DNAH7: variants seen among roughly 807,000 people sequenced by gnomAD.
DNAH7 encodes dynein axonemal heavy chain 7.
In DNAH7, 397 loss-of-function variants were observed where a neutral mutation model predicts 444.6. That is an observed-to-expected ratio of 0.89 (90% CI 0.82 to 0.97). DNAH7 has a LOEUF of 0.97. Ranked by LOEUF, DNAH7 falls within the 50% of genes least tolerant of loss-of-function variation. The pLI is 0.00. For missense variants in DNAH7, 4,902 were observed against 4,800.8 expected (o/e 1.02, Z -0.62); for synonymous variants, 1,636 against 1,624.4 (o/e 1.01, Z -0.17).
intron 25 of DNAH7, among the ~76,000 whole-genome samples, chr2:195,908,219 TCTTTC>T (rs1687153124): frequency 1.3e-5 from 2 of 152,024 alleles, no homozygotes; most frequent in Admixed American, 1.3e-4. Flanking sequence ...GTTATTTTTT[TCTTTC>T]ATTTATATAT....
chr2:195,853,248 AC>A, intron 46 of DNAH7, 94 bp downstream of exon 46: 1 of 1,186,594 alleles, frequency 8.4e-7, no homozygotes, highest in East Asian at 2.5e-5. Context: ...CTTGTACTTA[AC>A]AAAAAACTGA....
At chr2:195,944,676 T>C (rs781122408) in intron 19 of DNAH7, among the ~76,000 whole-genome samples, 1 of 152,164 alleles carries the variant, frequency 6.6e-6, no homozygotes, top group Non-Finnish European at 1.5e-5. Flanking sequence ...TTAAATTACA[T>C]TGAAATTTGG....
Position 195,970,485 on chromosome 2 carries a change from T to C in DNAH7, c.2059-391A>G, listed in dbSNP as rs557096235. On this transcript the variant is annotated intron_variant, in intron 16 of 64. Coordinates refer to ENST00000312428, the MANE Select transcript of DNAH7 (RefSeq NM_018897.3). ...AAAAGAAAATTTCAATTTTTACCTA[T>C]GCTATTTTTATAAACTGAAAAAAAC... Among the ~76,000 whole-genome samples, 5 of 152,290 alleles carry C rather than the reference T, an allele frequency of 3.3e-5. No homozygotes were observed. In the South Asian group the frequency reaches 6.2e-4, roughly 19 times the overall value.
chr2:195,790,059 A>G (rs1284602686), intron 57 of DNAH7, among the ~76,000 whole-genome samples: 2 of 152,178 alleles, frequency 1.3e-5, no homozygotes, highest in Non-Finnish European at 2.9e-5. Context: ...AATCAAGGAC[A>G]CAATCCCATT....
chr2:196,048,650 C>T (rs908887280), intron 3 of DNAH7, among the ~76,000 whole-genome samples: 1 of 152,184 alleles, frequency 6.6e-6, no homozygotes. Flanking sequence ...CCAGGGTCTT[C>T]ATTCTAGAGA....
chr2:195,883,481 C>T (rs1186043436), intron 35 of DNAH7, among the ~76,000 whole-genome samples: 1 of 145,254 alleles, frequency 6.9e-6, no homozygotes, highest in South Asian at 2.2e-4. Context: ...GAATCAGAAA[C>T]GCTGAAATGT....
intron 25 of DNAH7, 51 bp from the exon 26 acceptor site, chr2:195,907,060 C>A (rs1453502565): frequency 5.1e-6 from 7 of 1,374,170 alleles, no homozygotes; most frequent in Non-Finnish European, 7.1e-6. Flanking sequence ...TTCAATGTTG[C>A]AATGAAATGT....
intron 18 of DNAH7, among the ~76,000 whole-genome samples, chr2:195,959,525 A>G (rs1041930882): frequency 3.3e-5 from 5 of 152,222 alleles, no homozygotes; most frequent in African/African-American, 7.2e-5. Context: ...GCCAAGACCA[A>G]TCAGAACATG....
chr2:195,957,221 T>A (rs1314097675), intron 19 of DNAH7, 40 bp downstream of exon 19: 1 of 1,418,938 alleles, frequency 7.0e-7, no homozygotes, highest in East Asian at 2.6e-5. Context: ...TCATGTCACT[T>A]CAACCAAATA....
At chr2:195,989,917 T>C (rs573045116) in intron 12 of DNAH7, among the ~76,000 whole-genome samples, 1 of 152,336 alleles carries the variant, frequency 6.6e-6, no homozygotes, top group East Asian at 1.9e-4. Context: ...TGCAGCATCA[T>C]AAGCCAATTA....
chr2:195,815,768 C>T (rs896263046), intron 51 of DNAH7, among the ~76,000 whole-genome samples: 2 of 151,606 alleles, frequency 1.3e-5, no homozygotes, highest in Admixed American at 6.6e-5. Flanking sequence ...TTTGGGAGGC[C>T]GAGGCAGGTG....
At chr2:196,005,290 A>ACAAC (rs1694297668) in intron 10 of DNAH7, among the ~76,000 whole-genome samples, 1 of 149,572 alleles carries the variant, frequency 6.7e-6, no homozygotes, top group African/African-American at 2.5e-5. Flanking sequence ...AAACAAACAA[A>ACAAC]CAAACAAACA....
At chr2:195,841,020 T>G (rs1698651348) in intron 47 of DNAH7, among the ~76,000 whole-genome samples, 1 of 151,824 alleles carries the variant, frequency 6.6e-6, no homozygotes, top group Admixed American at 6.6e-5. Flanking sequence ...AATACCTGAC[T>G]TTGAGACTTA....
chr2:195,749,891 G>A (rs942320770), intron 63 of DNAH7, among the ~76,000 whole-genome samples: 1 of 151,344 alleles, frequency 6.6e-6, no homozygotes, highest in Non-Finnish European at 1.5e-5. Flanking sequence ...TAAATGAGGA[G>A]TTAATGGGTG....
At chr2:195,953,280 G>A (rs1308365546) in intron 19 of DNAH7, among the ~76,000 whole-genome samples, 1 of 152,180 alleles carries the variant, frequency 6.6e-6, no homozygotes, top group African/African-American at 2.4e-5. Flanking sequence ...GAACAGCAAA[G>A]ATTGCTGCCT....
intron 21 of DNAH7, among the ~76,000 whole-genome samples, chr2:195,927,470 C>T (rs1048184291): frequency 5.9e-5 from 9 of 151,478 alleles, no homozygotes; most frequent in Non-Finnish European, 1.0e-4. Context: ...ACGGAAAGAA[C>T]AGGTGAAAAT....
Position 195,862,006 on chromosome 2 carries a change from A to C in DNAH7, c.7507-60T>G, listed in dbSNP as rs989519872. 2.8e-5 allele frequency: 36 copies of C among 1,288,434 alleles called. No homozygotes were observed. The South Asian group carries it at 4.4e-4, about 16-fold the overall frequency. 79.8% of individuals were successfully genotyped at this position (1,288,434 alleles called of 1,614,324 possible). On this transcript the variant is annotated intron_variant, in intron 41 of 64. Transcript: ENST00000312428. The stretch of plus-strand genomic sequence containing the variant: ...AGATTACGAATCTGGATCTGCTACT[A>C]CTGCAGCCCTTTACAACTTATGGAT...
intron 24 of DNAH7, among the ~76,000 whole-genome samples, chr2:195,916,074 A>T (rs576565951): frequency 6.6e-6 from 1 of 152,316 alleles, no homozygotes; most frequent in Admixed American, 6.5e-5. Context: ...TGGAGAACAG[A>T]CAGTCTTTTC....
intron 24 of DNAH7, among the ~76,000 whole-genome samples, chr2:195,910,922 C>T (rs1687321606): frequency 6.6e-6 from 1 of 152,146 alleles, no homozygotes; most frequent in East Asian, 1.9e-4. Flanking sequence ...TTCTACTAGT[C>T]ATGGGCACAT....
Sources: gnomAD v4.1 joint callset for allele counts (sites outside exome capture counted in the v4.1 genomes callset) on GRCh38, gnomAD v4.1.1 for gene constraint, MANE v1.5 for transcripts, NCBI Gene and HGNC (gene_info 2026-07-23, HGNC 2026-07-21) for gene names.